The following REV1 variants were observed in gnomAD, a reference collection of about 807,000 sequenced individuals.
REV1 encodes REV1 DNA directed polymerase, also known as translesion synthesis protein REV1.
Under a neutral mutation model 137.4 loss-of-function variants are expected in REV1, and 42 were observed. The observed-to-expected ratio is 0.31, with a 90% confidence interval of 0.24 to 0.40. The LOEUF (loss-of-function observed/expected upper bound fraction) is 0.40. Among genes scored for constraint, REV1 ranks in the 10% least tolerant of loss-of-function variants. The pLI is 1.00. For missense variants in REV1, 1,282 were observed against 1,490.1 expected, an observed-to-expected ratio of 0.86 and a Z score of 2.30; for synonymous variants, 524 against 519.2, an observed-to-expected ratio of 1.01 and a Z score of -0.12.
At chr2:99,429,471 C>T (rs551562894) in intron 9 of REV1, among the ~76,000 whole-genome samples, 14 of 152,182 alleles carry the variant, frequency 9.2e-5, no homozygotes, top group Admixed American at 2.6e-4. Context: ...GTATGGATTA[C>T]AAGATTTTTT....
At chr2:99,402,400 C>CA (rs1675597602) in intron 21 of REV1, 54 bp from the exon 22 acceptor site, 2 of 914,572 alleles carry the variant, frequency 2.2e-6, no homozygotes, top group Non-Finnish European at 3.5e-6. Flanking sequence ...AGGAGAAAGT[C>CA]AGAGATCTGC....
chr2:99,431,349 A>C (rs1437370532), intron 8 of REV1, among the ~76,000 whole-genome samples: 3 of 152,200 alleles, frequency 2.0e-5, no homozygotes, highest in Admixed American at 2.0e-4. Context: ...TAAAGACAGA[A>C]TCCCAAGCAG....
intron 1 of REV1, among the ~76,000 whole-genome samples, chr2:99,484,394 AT>A (rs1388397170): frequency 2.0e-5 from 3 of 152,196 alleles, no homozygotes; most frequent in African/African-American, 7.2e-5. Flanking sequence ...TAAAAAAAAA[AT>A]TGCCCCATAG....
At chr2:99,463,207 T>A (rs1478708426) in intron 2 of REV1, among the ~76,000 whole-genome samples, 1 of 151,816 alleles carries the variant, frequency 6.6e-6, no homozygotes, top group African/African-American at 2.4e-5. Flanking sequence ...AAGTTACTTT[T>A]AAAAAAAGCT....
At chr2:99,440,936 A>G (rs949466443) in intron 5 of REV1, among the ~76,000 whole-genome samples, 1 of 152,208 alleles carries the variant, frequency 6.6e-6, no homozygotes, top group African/African-American at 2.4e-5. Flanking sequence ...AGACAAATGG[A>G]CATTTGCAAA....
intron 1 of REV1, among the ~76,000 whole-genome samples, chr2:99,479,299 C>G (rs528011486): frequency 0.012 from 1,771 of 147,112 alleles, 21 homozygotes; most frequent in Admixed American, 0.019. Flanking sequence ...TGCACTCCAG[C>G]CTGGGTGACA....
At chr2:99,427,106 T>C (rs557640831) in intron 9 of REV1, among the ~76,000 whole-genome samples, 4 of 152,124 alleles carry the variant, frequency 2.6e-5, no homozygotes, top group Non-Finnish European at 5.9e-5. Flanking sequence ...GGCTTCAACC[T>C]GGGAGGCAGG....
intron 9 of REV1, 103 bp downstream of exon 9, chr2:99,429,733 CGTCT>C: frequency 1.7e-6 from 1 of 577,986 alleles, no homozygotes; most frequent in Non-Finnish European, 2.6e-6. Flanking sequence ...CCTCATAACA[CGTCT>C]GTAACATTTA....
chr2:99,409,215 A>G (rs1411847908), intron 14 of REV1, among the ~76,000 whole-genome samples: 1 of 152,244 alleles, frequency 6.6e-6, no homozygotes, highest in Admixed American at 6.5e-5. Context: ...TAACCAACTG[A>G]TAAAAAATGT....
chr2:99,408,200 G>T, intron 14 of REV1, 69 bp from the exon 15 acceptor site: 1 of 829,162 alleles, frequency 1.2e-6, no homozygotes. Context: ...AAGTAGTATG[G>T]AACTGTTTAA....
rs1559271102 is a variant in REV1, at chr2:99,402,234, GA to G, written c.3644+9del. 1 of 1,119,058 alleles carries G rather than the reference GA, an allele frequency of 8.9e-7. No individual in the cohort carries two copies. The highest frequency in any genetic ancestry group is 1.4e-5 in the South Asian group (1 of 71,296). The allele number at this position is 1,119,058 out of a possible 1,614,324, so 69.3% of individuals were successfully genotyped here. A position where few individuals can be genotyped will look rare whatever the true frequency, so the allele number is the denominator to read the frequency against. On this transcript the variant is annotated intron_variant, in intron 22 of 22. Coordinates refer to ENST00000258428, the MANE Select transcript of REV1 (RefSeq NM_016316.4). ...TTTTTTCCCATTTGATAAAAGTGAT[GA>G]ATTACTACCTTTTCATGTATTTTAT... is the stretch of plus-strand genomic sequence containing the variant.
chr2:99,402,731 C>T lies in REV1; in HGVS notation c.3454G>A (p.Val1152Met). The T allele has an allele frequency of 1.2e-6, 2 of 1,614,174 alleles. No homozygotes were observed. Among genetic ancestry groups the T allele is most frequent in the Non-Finnish European group, 1.7e-6 (2 of 1,180,010 alleles). The change falls in exon 21 of 23, where the codon GTG becomes ATG. Residue 1152 changes from valine to methionine, a missense_variant. By Grantham distance (21) the Val-to-Met change is conservative (BLOSUM62 1). Coordinates refer to ENST00000258428, the MANE Select transcript of REV1 (RefSeq NM_016316.4). Reference sequence around the variant, plus strand: ...GCTAGATTGGGTGCTGGAGGTCTCACACAGCCAGCTGGGTCAGACTGCAAA... The same window carrying T: ...GCTAGATTGGGTGCTGGAGGTCTCATACAGCCAGCTGGGTCAGACTGCAAA... The part of the protein sequence containing the change: ...SSLQSDPAGC[V>M]RPPAPNLAGA...
chr2:99,489,266 C>A (rs947004984), intron 1 of REV1, among the ~76,000 whole-genome samples: 3 of 152,128 alleles, frequency 2.0e-5, no homozygotes, highest in Non-Finnish European at 4.4e-5. Context: ...TGGGATGCAC[C>A]GGGGACGTCG....
chr2:99,429,736 CTG>C (rs1261381352), intron 9 of REV1, 102 bp downstream of exon 9: 3 of 721,196 alleles, frequency 4.2e-6, no homozygotes, highest in Non-Finnish European at 6.6e-6. Flanking sequence ...CATAACACGT[CTG>C]TAACATTTAA....
At chr2:99,409,860 C>A (rs1175688800) in intron 14 of REV1, among the ~76,000 whole-genome samples, 3 of 132,256 alleles carry the variant, frequency 2.3e-5, no homozygotes, top group African/African-American at 5.2e-5. Context: ...ACAACCCCCC[C>A]CCCCCCCAAA....
At position 99,403,506 on chromosome 2, in the gene REV1, TAC is replaced by T. The variant is rs1420266194; in HGVS notation, c.3166+187_3166+188del. ...AAGTGGTGTGTTTAAATCCTGAAAG[TAC>T]AGACACAAATCCAACTAGAAATATG... On this transcript the variant is annotated intron_variant, in intron 19 of 22. Coordinates refer to ENST00000258428, the MANE Select transcript of REV1 (RefSeq NM_016316.4). 4 of 758,330 alleles carry T rather than the reference TAC, an allele frequency of 5.3e-6. No individual in the cohort carries two copies. In the African/African-American group the frequency reaches 7.0e-5, roughly 13 times the overall value. The allele number at this position is 758,330 out of a possible 1,614,324, so 47.0% of individuals were successfully genotyped here.
intron 9 of REV1, chr2:99,424,973 C>A: frequency 9.7e-7 from 1 of 1,029,758 alleles, no homozygotes; most frequent in East Asian, 7.3e-5. Context: ...GGAGCATTCA[C>A]CACAAAACTA....
Position 99,403,065 on chromosome 2 carries a change from C to T in REV1, c.3208G>A (p.Glu1070Lys), listed in dbSNP as rs3209289. Residue 1070 changes from glutamate to lysine, a missense_variant, in exon 20 of 23, where the codon GAA becomes AAA. Glu to Lys is a moderately conservative substitution (Grantham distance 56). Transcript: ENST00000258428. ...PLLHLKAAVK[E>K]KKRNKKKKTI... ...TTTTTCTTCTTGTTTCTTTTCTTTTCTTTCACTGCTGCCTTTAGATGAAGT... is the reference window on the plus strand; with the variant it reads ...TTTTTCTTCTTGTTTCTTTTCTTTTTTTTCACTGCTGCCTTTAGATGAAGT... 1 of 1,612,978 alleles carries T rather than the reference C, an allele frequency of 6.2e-7. No individual in the cohort carries two copies. The highest frequency in any genetic ancestry group is 1.7e-5 in the Admixed American group (1 of 59,784).
At chr2:99,469,607 T>C (rs1685179403) in intron 1 of REV1, among the ~76,000 whole-genome samples, 1 of 152,164 alleles carries the variant, frequency 6.6e-6, no homozygotes. Context: ...TACACAAGAC[T>C]TCCTCTTTCC....
Sources: gnomAD v4.1 joint callset for allele counts (sites outside exome capture counted in the v4.1 genomes callset) on GRCh38, gnomAD v4.1.1 for gene constraint, MANE v1.5 for transcripts, NCBI Gene and HGNC (gene_info 2026-07-23, HGNC 2026-07-21) for gene names.